The following TMEM232 variants were observed in gnomAD, a reference collection of about 807,000 sequenced individuals.
The protein encoded by TMEM232 is transmembrane protein 232.
A neutral mutation model predicts 78.8 loss-of-function variants in TMEM232; 80 were observed. The observed-to-expected ratio is 1.01, with a 90% CI of 0.85 to 1.22. The LOEUF (loss-of-function observed/expected upper bound fraction) is 1.22, where lower values mean the gene tolerates loss of function less well. TMEM232 is among the 50% of genes most tolerant of loss of function. The probability of loss-of-function intolerance (pLI) is 0.00; values close to 1 mark genes in which losing one functional copy is unlikely to be tolerated. For missense variants in TMEM232, 881 were observed against 742.2 expected (o/e 1.19, Z -2.17); for synonymous variants, 297 against 254.3 (o/e 1.17, Z -1.60).
At chr5:110,561,673 A>T (rs1775765284) in intron 11 of TMEM232, among the ~76,000 whole-genome samples, 2 of 152,086 alleles carry the variant, frequency 1.3e-5, no homozygotes, top group African/African-American at 4.8e-5. Context: ...TTTAGCATAT[A>T]GTTCCCCAGG....
intron 12 of TMEM232, among the ~76,000 whole-genome samples, chr5:110,524,893 T>C (rs1770343957): frequency 6.6e-6 from 1 of 152,134 alleles, no homozygotes; most frequent in African/African-American, 2.4e-5. Context: ...CATTATATAA[T>C]GATCTCTGTT....
chr5:110,634,091 A>C (rs886726449), intron 5 of TMEM232, among the ~76,000 whole-genome samples: 2 of 152,086 alleles, frequency 1.3e-5, no homozygotes, highest in African/African-American at 4.8e-5. Flanking sequence ...AAAGGTTTTA[A>C]AAAAAGGCAA....
At chr5:110,589,810 G>A (rs1779292474) in intron 10 of TMEM232, among the ~76,000 whole-genome samples, 1 of 151,990 alleles carries the variant, frequency 6.6e-6, no homozygotes, top group South Asian at 2.1e-4. Flanking sequence ...TGACCCATAA[G>A]GGCAAAATGT....
At chr5:110,588,482 A>G (rs1296852198) in intron 10 of TMEM232, among the ~76,000 whole-genome samples, 1 of 152,158 alleles carries the variant, frequency 6.6e-6, no homozygotes, top group Admixed American at 6.6e-5. Context: ...TTCATGTACT[A>G]CAAAAAATTA....
At chr5:110,651,541 TTC>T (rs1788300727) in intron 2 of TMEM232, among the ~76,000 whole-genome samples, 1 of 151,984 alleles carries the variant, frequency 6.6e-6, no homozygotes, top group Admixed American at 6.6e-5. Context: ...TGGGGACTAG[TTC>T]TCTCAGGGTA....
chr5:110,420,891 A>G, intron 13 of TMEM232, 135 bp from the exon 14 acceptor site: 1 of 1,204,028 alleles, frequency 8.3e-7, no homozygotes, highest in Non-Finnish European at 1.1e-6. Flanking sequence ...AAAATTTTAT[A>G]TCTACCACAC....
upstream of TMEM232, chr5:110,738,135 T>C (rs968620523): frequency 9.6e-6 from 10 of 1,037,594 alleles, no homozygotes; most frequent in African/African-American, 1.5e-4. Flanking sequence ...GGAAAAGCTC[T>C]AGGAATCCTG....
chr5:110,464,533 T>C (rs1488601), intron 12 of TMEM232, among the ~76,000 whole-genome samples: 2,681 of 152,262 alleles, frequency 0.018, 70 homozygotes, highest in African/African-American at 0.06. Context: ...AATGGACACC[T>C]AGGTGTCCAG....
chr5:110,414,362 A>G (rs957083033), intron 2 of TMEM232, among the ~76,000 whole-genome samples: 4 of 152,348 alleles, frequency 2.6e-5, no homozygotes, highest in African/African-American at 7.2e-5. Flanking sequence ...TCAGCAGACA[A>G]TGAACAAATA....
chr5:110,721,674 T>TATATATATATATATATATATAC (rs1491333071), intron 1 of TMEM232, among the ~76,000 whole-genome samples: 1 of 83,280 alleles, frequency 1.2e-5, no homozygotes, highest in Non-Finnish European at 2.5e-5. Context: ...TGTGTGTGTG[T>TATATATATATATATATATATAC]ATATATATAT....
At chr5:110,591,996 A>T (rs944204138) in intron 10 of TMEM232, among the ~76,000 whole-genome samples, 1 of 152,116 alleles carries the variant, frequency 6.6e-6, no homozygotes, top group African/African-American at 2.4e-5. Flanking sequence ...ATTACTAATG[A>T]TCATGCATGC....
intron 11 of TMEM232, among the ~76,000 whole-genome samples, chr5:110,564,967 C>T (rs946405795): frequency 3.3e-5 from 5 of 151,872 alleles, no homozygotes; most frequent in South Asian, 2.1e-4. Context: ...TGAAGATTTG[C>T]GGCTTGCCTC....
At chr5:110,530,075 A>G (rs1771204226) in intron 11 of TMEM232, among the ~76,000 whole-genome samples, 2 of 152,238 alleles carry the variant, frequency 1.3e-5, no homozygotes, top group South Asian at 4.1e-4. Context: ...TTTTCTGTAC[A>G]TGAACATCTA....
chr5:110,726,805 A>C (rs922101786), upstream of TMEM232: 1 of 152,262 alleles, frequency 6.6e-6, no homozygotes, highest in Non-Finnish European at 1.5e-5. Context: ...ATTTCTAAAG[A>C]ATAAATGCAA....
intron 4 of TMEM232, among the ~76,000 whole-genome samples, chr5:110,388,710 G>A (rs1487908229): frequency 6.6e-6 from 1 of 152,094 alleles, no homozygotes; most frequent in Non-Finnish European, 1.5e-5. Context: ...ATACAAAAGG[G>A]TTGAAGGCCA....
intron 12 of TMEM232, among the ~76,000 whole-genome samples, chr5:110,454,744 A>C (rs536292563): frequency 2.0e-5 from 3 of 152,216 alleles, no homozygotes; most frequent in Admixed American, 6.5e-5. Context: ...TAGAAAAAAA[A>C]CCTCTTGAAT....
chr5:110,728,220 T>TAC (rs1798343667), upstream of TMEM232, among the ~76,000 whole-genome samples: 1 of 149,768 alleles, frequency 6.7e-6, no homozygotes, highest in African/African-American at 2.4e-5. Context: ...CACAAATACA[T>TAC]ATATATATAT....
At chr5:110,416,984 A>G (rs1456219746), downstream of TMEM232, among the ~76,000 whole-genome samples, 10 of 152,234 alleles carry the variant, frequency 6.6e-5, no homozygotes, top group Non-Finnish European at 1.5e-4. Flanking sequence ...AATTTACTAC[A>G]GTATTCTAAC....
rs17132174 is a variant in TMEM232, at chr5:110,505,088, A to G, written c.1703+23500T>C. ...TCTTTGAAAATTATGGGAGTTTTCC[A>G]TAACCAAACTGGAAGAGAAGACATC... On this transcript the variant is annotated intron_variant, in intron 12 of 13. Transcript: ENST00000455884. Among the ~76,000 whole-genome samples the G allele has an allele frequency of 6.6e-3, 1,005 of 152,318 alleles. 18 individuals are homozygous for G. Among genetic ancestry groups the G allele is most frequent in the African/African-American group, 0.023 (936 of 41,570 alleles).
Sources: gnomAD v4.1 joint callset for allele counts (sites outside exome capture counted in the v4.1 genomes callset) on GRCh38, gnomAD v4.1.1 for gene constraint, MANE v1.5 for transcripts, NCBI Gene and HGNC (gene_info 2026-07-23, HGNC 2026-07-21) for gene names.